The following CWC27 variants were observed in gnomAD, a reference collection of about 807,000 sequenced individuals.
The protein encoded by CWC27 is CWC27 spliceosome associated cyclophilin, also known as spliceosome-associated protein CWC27 homolog.
In CWC27, 47 loss-of-function variants were observed where a neutral mutation model predicts 63.6. That is an observed-to-expected ratio of 0.74 (90% CI 0.58 to 0.94). The LOEUF (loss-of-function observed/expected upper bound fraction) is 0.94. Among genes scored for constraint, CWC27 ranks in the 40% least tolerant of loss-of-function variants. The pLI is 0.00. For missense variants in CWC27, 495 were observed against 554.3 expected, an observed-to-expected ratio of 0.89 and a Z score of 1.07; for synonymous variants, 175 against 179.8, an observed-to-expected ratio of 0.97 and a Z score of 0.22.
chr5:64,809,966 G>A (rs1177477328), intron 10 of CWC27, among the ~76,000 whole-genome samples: 2 of 151,496 alleles, frequency 1.3e-5, no homozygotes, highest in Non-Finnish European at 2.9e-5. Flanking sequence ...AGAAATCATT[G>A]CTGAGTCCAG....
At chr5:64,961,003 A>G (rs1414677060) in intron 11 of CWC27, among the ~76,000 whole-genome samples, 1 of 152,072 alleles carries the variant, frequency 6.6e-6, no homozygotes, top group Non-Finnish European at 1.5e-5. Flanking sequence ...AACAGAGGGT[A>G]TAAGTATAAG....
At chr5:64,885,403 CA>C in intron 10 of CWC27, 39 bp from the exon 11 acceptor site, 1 of 1,390,192 alleles carries the variant, frequency 7.2e-7, no homozygotes, top group South Asian at 1.4e-5. Flanking sequence ...CTTTTACTCT[CA>C]ATATATTATA....
intron 11 of CWC27, among the ~76,000 whole-genome samples, chr5:64,942,230 G>C (rs114979992): frequency 6.6e-6 from 1 of 151,482 alleles, no homozygotes; most frequent in Non-Finnish European, 1.5e-5. Flanking sequence ...TTCGAGACCA[G>C]CCCAGGCAAC....
At chr5:64,925,956 C>A (rs2112396049) in intron 11 of CWC27, among the ~76,000 whole-genome samples, 1 of 152,290 alleles carries the variant, frequency 6.6e-6, no homozygotes. Context: ...AACACCTTCA[C>A]CTCATGAATC....
At chr5:64,801,467 T>C in intron 9 of CWC27, 135 bp downstream of exon 9, 1 of 742,558 alleles carries the variant, frequency 1.3e-6, no homozygotes, top group South Asian at 2.8e-5. Flanking sequence ...TTTGGAAAAA[T>C]ATGAAAAACA....
intron 10 of CWC27, among the ~76,000 whole-genome samples, chr5:64,862,299 C>G (rs975074480): frequency 2.0e-5 from 3 of 151,974 alleles, no homozygotes; most frequent in African/African-American, 7.3e-5. Context: ...ATGGCCAGCG[C>G]AAATAATCTT....
chr5:64,978,955 A>G (rs1158121285), intron 13 of CWC27, among the ~76,000 whole-genome samples: 2 of 152,214 alleles, frequency 1.3e-5, no homozygotes, highest in Non-Finnish European at 2.9e-5. Context: ...TTTACTTTCA[A>G]CTTGGCAAGA....
chr5:64,994,749 T>C (rs1164866040), intron 13 of CWC27, among the ~76,000 whole-genome samples: 1 of 152,196 alleles, frequency 6.6e-6, no homozygotes, highest in Admixed American at 6.5e-5. Context: ...GAATCATTTA[T>C]ACCTGTACCA....
At chr5:64,801,086 C>G (rs952790612) in intron 8 of CWC27, among the ~76,000 whole-genome samples, 5 of 152,000 alleles carry the variant, frequency 3.3e-5, no homozygotes, top group African/African-American at 1.2e-4. Context: ...TTCTAGTGAA[C>G]GCATATATTT....
At chr5:64,943,542 C>G (rs560294258) in intron 11 of CWC27, among the ~76,000 whole-genome samples, 2 of 152,318 alleles carry the variant, frequency 1.3e-5, no homozygotes, top group African/African-American at 4.8e-5. Context: ...CATGGCACAT[C>G]TTGGTGGTAG....
chr5:64,979,163 G>GA (rs1022836498), intron 13 of CWC27, among the ~76,000 whole-genome samples: 4 of 152,056 alleles, frequency 2.6e-5, no homozygotes, highest in Non-Finnish European at 4.4e-5. Context: ...TGGACATGGG[G>GA]AAAAAAATCA....
rs1419410032 is a variant in CWC27, at chr5:64,867,201, C to T, written c.939-18242C>T. Among the ~76,000 whole-genome samples, 2 of 152,094 alleles carry T rather than the reference C, an allele frequency of 1.3e-5. 1 individual carries two copies. Among genetic ancestry groups the T allele is most frequent in the Non-Finnish European group, 2.9e-5 (2 of 67,978 alleles). ...TTTTGTATAAATTTTTCCAATGTCA[C>T]ACAGCTAGTGCGGTGTTGAGCCAGG... On this transcript the variant is annotated intron_variant, in intron 10 of 13. Transcript: ENST00000381070.
chr5:64,979,960 T>C (rs1208477103), intron 13 of CWC27, among the ~76,000 whole-genome samples: 1 of 143,900 alleles, frequency 6.9e-6, no homozygotes, highest in East Asian at 2.0e-4. Context: ...ATTATACTTT[T>C]TATGTAAAAA....
chr5:64,962,427 G>C (rs2112434789), intron 11 of CWC27, among the ~76,000 whole-genome samples: 1 of 152,288 alleles, frequency 6.6e-6, no homozygotes, highest in Admixed American at 6.5e-5. Context: ...CCAAATGGAG[G>C]CTCTAATATC....
chr5:64,904,001 C>T (rs1476195202), intron 11 of CWC27, among the ~76,000 whole-genome samples: 1 of 151,162 alleles, frequency 6.6e-6, no homozygotes, highest in Non-Finnish European at 1.5e-5. Flanking sequence ...GTTTTTTCCA[C>T]CTCTTGGCTA....
intron 11 of CWC27, among the ~76,000 whole-genome samples, chr5:64,938,471 T>C (rs1475409338): frequency 6.6e-6 from 1 of 152,204 alleles, no homozygotes; most frequent in Non-Finnish European, 1.5e-5. Flanking sequence ...TGCAGAGAAA[T>C]CCACTGTTAG....
At chr5:64,905,302 C>T (rs530153308) in intron 11 of CWC27, among the ~76,000 whole-genome samples, 1 of 151,622 alleles carries the variant, frequency 6.6e-6, no homozygotes, top group African/African-American at 2.4e-5. Context: ...GCTAAGATGC[C>T]CTTAATAGGA....
intron 7 of CWC27, among the ~76,000 whole-genome samples, chr5:64,798,374 C>T (rs572025835): frequency 1.4e-4 from 21 of 152,262 alleles, no homozygotes; most frequent in Non-Finnish European, 2.5e-4. Context: ...TTCTTCTTGT[C>T]CTGTCTTCTT....
intron 10 of CWC27, among the ~76,000 whole-genome samples, chr5:64,874,579 G>T (rs1216095810): frequency 6.6e-6 from 1 of 151,988 alleles, no homozygotes; most frequent in Non-Finnish European, 1.5e-5. Flanking sequence ...CGATTCTTCT[G>T]CCTCAGCCTC....
Sources: allele counts gnomAD v4.1 joint callset (sites outside exome capture counted in the v4.1 genomes callset), GRCh38; gene constraint gnomAD v4.1.1; transcripts MANE v1.5; gene names NCBI Gene and HGNC (gene_info 2026-07-23, HGNC 2026-07-21).